Variants in WASHC2A observed in about 807,000 individuals in gnomAD.
The protein encoded by WASHC2A is WASH complex subunit 2A, also known as WASH complex subunit FAM21A.
A neutral mutation model predicts 140.3 loss-of-function variants in WASHC2A; 82 were observed. The observed-to-expected ratio is 0.58, with a 90% CI of 0.49 to 0.70. The LOEUF (loss-of-function observed/expected upper bound fraction) is 0.70. WASHC2A is among the 30% of genes least tolerant of loss of function. The probability of loss-of-function intolerance (pLI) is 0.00; values close to 1 mark genes in which losing one functional copy is unlikely to be tolerated. For synonymous variants in WASHC2A, 340 were observed against 560.8 expected (o/e 0.61, Z 5.56); for missense variants, 985 against 1,521.8 (o/e 0.65, Z 5.87).
At position 50,114,209 on chromosome 10, in the gene WASHC2A, A is replaced by G. The variant is rs1301096104; in HGVS notation, c.2142+212A>G. Among the ~76,000 whole-genome samples the G allele has an allele frequency of 5.3e-5, 5 of 94,922 alleles. 1 individual carries two copies. The highest frequency in any genetic ancestry group is 2.1e-4 in the African/African-American group (5 of 24,006). The allele number at this position is 94,922 out of a possible 152,430, so 62.3% of individuals were successfully genotyped here. A position where few individuals can be genotyped will look rare whatever the true frequency, so the allele number is the denominator to read the frequency against. ...CCATCATTCAGTGTCAGGTGTAGGAACAAGGAACTGGGTCTCAGAAGAGGC... is the reference window on the plus strand; with the variant it reads ...CCATCATTCAGTGTCAGGTGTAGGAGCAAGGAACTGGGTCTCAGAAGAGGC... On this transcript the variant is annotated intron_variant, in intron 21 of 30. Transcript: ENST00000282633.
chr10:50,095,333 A>G, intron 14 of WASHC2A, 126 bp downstream of exon 14: 2 of 922,108 alleles, frequency 2.2e-6, no homozygotes, highest in Non-Finnish European at 3.2e-6. Flanking sequence ...GGCTTTGAGC[A>G]TCTTATAGAA....
chr10:50,072,718 G>C (rs1214268144), intron 3 of WASHC2A, among the ~76,000 whole-genome samples: 83 of 152,028 alleles, frequency 5.5e-4, no homozygotes, highest in African/African-American at 2.0e-3. Context: ...TCGATCTCCT[G>C]ACCTCATGAT....
At chr10:50,127,472 T>C (rs1843534857) in intron 27 of WASHC2A, 111 bp from the exon 28 acceptor site, 1 of 1,610,504 alleles carries the variant, frequency 6.2e-7, no homozygotes, top group Non-Finnish European at 8.5e-7. Context: ...TACGTTTCTC[T>C]ACTCCTCTCG....
At chr10:50,092,887 C>T (rs1308900531) in intron 11 of WASHC2A, among the ~76,000 whole-genome samples, 1 of 151,874 alleles carries the variant, frequency 6.6e-6, no homozygotes, top group Non-Finnish European at 1.5e-5. Flanking sequence ...TTAGACTTGT[C>T]CCTGTGTCAG....
At chr10:50,080,093 A>G (rs1203075211) in intron 4 of WASHC2A, among the ~76,000 whole-genome samples, 3 of 152,124 alleles carry the variant, frequency 2.0e-5, no homozygotes, top group African/African-American at 7.2e-5. Context: ...ACAATGGCAC[A>G]CTTGTGTCTG....
chr10:50,112,601 A>G (rs1183465385), intron 20 of WASHC2A, among the ~76,000 whole-genome samples: 7 of 128,694 alleles, frequency 5.4e-5, no homozygotes, highest in African/African-American at 1.4e-4. Context: ...AAACTTGTAC[A>G]TGAGTGTTTA....
chr10:50,101,573 A>T (rs1554886801), intron 17 of WASHC2A, among the ~76,000 whole-genome samples: 1 of 152,282 alleles, frequency 6.6e-6, no homozygotes, highest in East Asian at 1.9e-4. Context: ...CCCCGTCCTT[A>T]ATACCAGTGC....
intron 3 of WASHC2A, among the ~76,000 whole-genome samples, chr10:50,071,851 G>C (rs1217141482): frequency 1.4e-5 from 2 of 146,422 alleles, no homozygotes; most frequent in African/African-American, 2.5e-5. Context: ...CTTTATTTCT[G>C]TCCAATACTG....
At chr10:50,109,184 C>T (rs1378435577) in intron 19 of WASHC2A, among the ~76,000 whole-genome samples, 2 of 152,284 alleles carry the variant, frequency 1.3e-5, no homozygotes, top group African/African-American at 2.4e-5. Context: ...GTTTGATTTG[C>T]AAGACTCTAG....
At chr10:50,077,263 C>T (rs1366230518) in intron 3 of WASHC2A, among the ~76,000 whole-genome samples, 9 of 152,184 alleles carry the variant, frequency 5.9e-5, no homozygotes, top group African/African-American at 1.9e-4. Context: ...CACTGCACTC[C>T]AGCCTGGGTG....
In WASHC2A at chr10:50,069,720, T is replaced by C. The variant is rs1554875599; in HGVS notation, c.291+9T>C. On this transcript the variant is annotated intron_variant, in intron 3 of 30. Transcript: ENST00000282633. ...CCCAGTTCATTGAGAATGTGAGTTA[T>C]TTAGTTATATTATCATTCCTTTTTT... 1.9e-6 allele frequency: 3 copies of C among 1,611,178 alleles called. No individual in the cohort carries two copies. Among genetic ancestry groups the C allele is most frequent in the Non-Finnish European group, 2.5e-6 (3 of 1,178,812 alleles).
chr10:50,080,086 A>G (rs1838759699), intron 4 of WASHC2A, among the ~76,000 whole-genome samples: 3 of 152,132 alleles, frequency 2.0e-5, no homozygotes, highest in Admixed American at 6.5e-5. Flanking sequence ...ATTTCTCACA[A>G]TGGCACACTT....
chr10:50,077,675 A>C (rs1393994208), intron 3 of WASHC2A, among the ~76,000 whole-genome samples: 1 of 152,064 alleles, frequency 6.6e-6, no homozygotes, highest in African/African-American at 2.4e-5. Flanking sequence ...TTTTAATTTC[A>C]TTTCATTTTA....
At position 50,133,000 on chromosome 10, in the gene WASHC2A, A is replaced by T. The variant is rs1844119756; in HGVS notation, c.*55A>T. The T allele has an allele frequency of 6.8e-6, 11 of 1,611,862 alleles. No homozygotes were observed. The highest frequency in any genetic ancestry group is 1.7e-5 in the Admixed American group (1 of 60,018). ...CAGCTACATTGTTGAGTTAGTGATG[A>T]TGTTGTATATGCTGATGGTCTTAAC... On this transcript the variant is annotated 3_prime_UTR_variant, in exon 31 of 31. Coordinates refer to ENST00000282633, the MANE Select transcript of WASHC2A (RefSeq NM_001005751.3).
At chr10:50,129,282 T>C (rs1306423752) in intron 28 of WASHC2A, 137 bp from the exon 29 acceptor site, 1 of 1,468,450 alleles carries the variant, frequency 6.8e-7, no homozygotes, top group Non-Finnish European at 9.3e-7. Flanking sequence ...AATAACCTCT[T>C]CTATGTTCTT....
intron 3 of WASHC2A, among the ~76,000 whole-genome samples, chr10:50,072,025 A>G (rs1457460518): frequency 8.4e-6 from 1 of 118,504 alleles, no homozygotes; most frequent in African/African-American, 3.3e-5. Flanking sequence ...TCTCCTGCCC[A>G]CACCTCCCAT....
intron 4 of WASHC2A, among the ~76,000 whole-genome samples, chr10:50,080,236 G>A (rs1838775724): frequency 1.3e-5 from 2 of 152,056 alleles, no homozygotes; most frequent in African/African-American, 4.8e-5. Flanking sequence ...ATAGACCGGA[G>A]ATGAAAATGA....
chr10:50,104,263 T>C (rs1233365527), intron 18 of WASHC2A, 120 bp downstream of exon 18: 1 of 761,322 alleles, frequency 1.3e-6, no homozygotes, highest in Non-Finnish European at 2.2e-6. Context: ...TCAGGCCACC[T>C]GAAGTTTATA....
chr10:50,072,819 T>C (rs1372798471), intron 3 of WASHC2A, among the ~76,000 whole-genome samples: 1 of 152,162 alleles, frequency 6.6e-6, no homozygotes, highest in Non-Finnish European at 1.5e-5. Flanking sequence ...TTTCAATCCC[T>C]GACATCAGTA....
Sources: gnomAD v4.1 joint callset for allele counts (sites outside exome capture counted in the v4.1 genomes callset) on GRCh38, gnomAD v4.1.1 for gene constraint, MANE v1.5 for transcripts, NCBI Gene and HGNC (gene_info 2026-07-23, HGNC 2026-07-21) for gene names.